Variants in MED13 observed in about 807,000 individuals in gnomAD.
MED13 encodes mediator of RNA polymerase II transcription subunit 13.
A neutral mutation model predicts 225.2 loss-of-function variants in MED13; 23 were observed. That is an observed-to-expected ratio of 0.10 (90% CI 0.07 to 0.14). The LOEUF (loss-of-function observed/expected upper bound fraction) is 0.14. Ranked by LOEUF, MED13 falls within the 10% of genes least tolerant of loss-of-function variation. MED13 has a pLI of 1.00. For missense variants in MED13, 2,197 were observed against 2,594.5 expected (o/e 0.85, Z 3.33); for synonymous variants, 942 against 889.2 (o/e 1.06, Z -1.06).
intron 3 of MED13, among the ~76,000 whole-genome samples, chr17:62,039,403 C>T (rs2080833606): frequency 6.6e-6 from 1 of 152,080 alleles, no homozygotes; most frequent in African/African-American, 2.4e-5. Flanking sequence ...CTTCCTCTGC[C>T]TCCTGAGTAG....
At position 61,956,501 on chromosome 17, in the gene MED13, A is replaced by T. The variant is rs764716217; in HGVS notation, c.5481-20T>A. ...CGAGCCCTATTGTGTGAATAAAGAG[A>T]GTGTCATAAATATTTCTAAAATTTA... On this transcript the variant is annotated intron_variant, in intron 23 of 29. Transcript: ENST00000397786. 12 of 1,586,656 alleles carry T rather than the reference A, an allele frequency of 7.6e-6. No individual in the cohort carries two copies. The East Asian group carries it at 2.2e-4, about 30-fold the overall frequency.
In MED13 at chr17:61,965,407, G is replaced by A. The variant is rs115015260; in HGVS notation, c.4443C>T (p.Ala1481=). 6.8e-4 allele frequency: 1,104 copies of A among 1,614,072 alleles called. 7 individuals are homozygous for A. In the African/African-American group the frequency reaches 0.012, roughly 18 times the overall value. ...GAGTAATCAAAGACTGACTTGTAGG[G>A]GCAACTAAATTTGGCTGGGAAAGTA... ...SSLLSQPNLV[A]PTSQSLITPP... is the part of the protein sequence containing the mutation. The change falls in exon 20 of 30, where the codon GCC becomes GCT. Residue 1481 remains alanine (A), a synonymous_variant. Coordinates refer to ENST00000397786, the MANE Select transcript of MED13 (RefSeq NM_005121.3).
At chr17:62,054,476 T>G (rs2080981750) in intron 2 of MED13, among the ~76,000 whole-genome samples, 1 of 152,274 alleles carries the variant, frequency 6.6e-6, no homozygotes, top group East Asian at 1.9e-4. Flanking sequence ...GTTATCTACT[T>G]CCATTTAAAA....
intron 3 of MED13, among the ~76,000 whole-genome samples, chr17:62,037,496 C>T (rs904187762): frequency 5.4e-5 from 8 of 148,182 alleles, no homozygotes; most frequent in African/African-American, 2.0e-4. Context: ...AAAACCCCAT[C>T]TCTACTAAAA....
intron 3 of MED13, among the ~76,000 whole-genome samples, chr17:62,044,006 G>A (rs1012606367): frequency 3.9e-5 from 6 of 152,028 alleles, no homozygotes; most frequent in African/African-American, 1.2e-4. Flanking sequence ...ATAGCTCCTA[G>A]CTTCTCTAGA....
chr17:62,064,553 T>G lies in MED13; in HGVS notation c.66+587A>C, dbSNP rs926477205. ...CTAGAAATTGTCAAAAATGGCAAAC[T>G]GTTTTCAAAGTTTAAAAAGAAAACA... On this transcript the variant is annotated intron_variant, in intron 1 of 29. Coordinates refer to ENST00000397786, the MANE Select transcript of MED13 (RefSeq NM_005121.3). Among the ~76,000 whole-genome samples the G allele has an allele frequency of 3.3e-5, 5 of 152,308 alleles. No individual in the cohort carries two copies. The East Asian group carries it at 9.7e-4, about 29-fold the overall frequency.
chr17:61,984,395 GTATCT>G (rs759389348), intron 14 of MED13, 28 bp from the exon 15 acceptor site: 79 of 1,467,806 alleles, frequency 5.4e-5, no homozygotes, highest in Non-Finnish European at 6.8e-5. Context: ...TAGGTTTTCA[GTATCT>G]TATCTTCTAG....
At chr17:61,975,774 G>C (rs2080150086) in intron 16 of MED13, among the ~76,000 whole-genome samples, 1 of 152,158 alleles carries the variant, frequency 6.6e-6, no homozygotes, top group Non-Finnish European at 1.5e-5. Flanking sequence ...CCAGCACTTT[G>C]GGAGGCCGAG....
At chr17:62,043,205 A>C (rs1303397455) in intron 3 of MED13, among the ~76,000 whole-genome samples, 1 of 150,372 alleles carries the variant, frequency 6.7e-6, no homozygotes, top group African/African-American at 2.5e-5. Context: ...AAGAAAGAAA[A>C]ATTATTGTAA....
chr17:61,967,395 T>C (rs761664588), intron 18 of MED13, among the ~76,000 whole-genome samples: 4 of 152,180 alleles, frequency 2.6e-5, no homozygotes, highest in African/African-American at 7.2e-5. Context: ...CTTGTAATTA[T>C]GTGGAAAATT....
At chr17:61,961,153 A>C (rs906967124) in intron 22 of MED13, 63 bp from the exon 23 acceptor site, 1 of 1,312,366 alleles carries the variant, frequency 7.6e-7, no homozygotes, top group African/African-American at 1.5e-5. Context: ...TTGCATTTAA[A>C]ATGTAATTCT....
chr17:62,062,848 A>T (rs1398205545), intron 2 of MED13, among the ~76,000 whole-genome samples: 1 of 152,208 alleles, frequency 6.6e-6, no homozygotes, highest in Non-Finnish European at 1.5e-5. Context: ...GAGGTGGTGG[A>T]AGGAGAAAGT....
At chr17:61,986,393 G>A (rs1238764591) in intron 12 of MED13, among the ~76,000 whole-genome samples, 3 of 152,288 alleles carry the variant, frequency 2.0e-5, no homozygotes, top group East Asian at 1.9e-4. Flanking sequence ...TCCCTTTTAT[G>A]ATAATGCAGC....
At chr17:62,049,691 G>A (rs1028960834) in intron 3 of MED13, among the ~76,000 whole-genome samples, 1 of 152,156 alleles carries the variant, frequency 6.6e-6, no homozygotes, top group African/African-American at 2.4e-5. Context: ...CAGCACTTGG[G>A]GAGGCCGAGG....
chr17:61,947,490 C>T (rs985915319), intron 28 of MED13, among the ~76,000 whole-genome samples: 2 of 152,140 alleles, frequency 1.3e-5, no homozygotes, highest in African/African-American at 4.8e-5. Context: ...TAAGGAGGCA[C>T]TAAATTGAGT....
At position 62,031,649 on chromosome 17, in the gene MED13, A is replaced by G. The variant is rs1285692676; in HGVS notation, c.815-11T>C. 2.6e-6 allele frequency: 4 copies of G among 1,524,874 alleles called. No individual in the cohort carries two copies. In the Admixed American group the frequency reaches 6.3e-5, roughly 24 times the overall value. The allele number at this position is 1,524,874 out of a possible 1,614,324, so 94.5% of individuals were successfully genotyped here. On this transcript the variant is annotated splice_polypyrimidine_tract_variant and intron_variant, in intron 5 of 29. Coordinates refer to ENST00000397786, the MANE Select transcript of MED13 (RefSeq NM_005121.3). ...TCATTCGGACACCAGCTGAAAGGAA[A>G]AAAATGGGACAGGAAAACCAATTAC...
chr17:62,051,290 C>G (rs2080954484), intron 3 of MED13, among the ~76,000 whole-genome samples: 1 of 152,212 alleles, frequency 6.6e-6, no homozygotes, highest in South Asian at 2.1e-4. Flanking sequence ...CTGGAATCCA[C>G]TGTGAGGTCT....
chr17:61,965,210 T>G lies in MED13; in HGVS notation c.4640A>C (p.Asn1547Thr), dbSNP rs1305350974. The G allele has an allele frequency of 1.9e-6, 3 of 1,614,218 alleles. No homozygotes were observed. The highest frequency in any genetic ancestry group is 2.5e-6 in the Non-Finnish European group (3 of 1,180,036). The change falls in exon 20 of 30, where the codon AAT (asparagine) becomes ACT (threonine). Residue 1547 changes from asparagine to threonine, a missense_variant. Around this residue, in one of 12 missense-constraint regions of MED13, gnomAD observed 457 missense variants for 442.2 expected, o/e 1.03. Coordinates refer to ENST00000397786, the MANE Select transcript of MED13 (RefSeq NM_005121.3). Reference sequence around the variant, plus strand: ...TAGTTTATTTGATGATACTCCACTATTCAAGTTGGAGGATGATGAAGATGA... The same window carrying G: ...TAGTTTATTTGATGATACTCCACTAGTCAAGTTGGAGGATGATGAAGATGA... Reference protein sequence around the residue: ...STSSSSSSNLNSGVSSNKLPS... With the variant: ...STSSSSSSNLTSGVSSNKLPS...
intron 2 of MED13, among the ~76,000 whole-genome samples, chr17:62,056,433 G>T (rs2080996895): frequency 6.6e-6 from 1 of 152,118 alleles, no homozygotes; most frequent in Non-Finnish European, 1.5e-5. Flanking sequence ...CTTAACCAGA[G>T]CCTAATAGAA....
Sources: allele counts gnomAD v4.1 joint callset (sites outside exome capture counted in the v4.1 genomes callset), GRCh38; gene constraint gnomAD v4.1.1; regional missense constraint gnomAD v4.1.1; transcripts MANE v1.5; gene names NCBI Gene and HGNC (gene_info 2026-07-23, HGNC 2026-07-21).